SNTG1: variants seen among roughly 807,000 people sequenced by gnomAD.
SNTG1 encodes syntrophin gamma 1.
SNTG1 carries 39 observed loss-of-function variants against 74.7 expected under a neutral mutation model. The observed-to-expected ratio is 0.52, with a 90% CI of 0.40 to 0.68. The LOEUF (loss-of-function observed/expected upper bound fraction) is 0.68. Among genes scored for constraint, SNTG1 ranks in the 30% least tolerant of loss-of-function variants. SNTG1 has a pLI of 0.00. For synonymous variants in SNTG1, 254 were observed against 217.1 expected, an observed-to-expected ratio of 1.17 and a Z score of -1.49; for missense variants, 685 against 609.5, an observed-to-expected ratio of 1.12 and a Z score of -1.30.
At chr8:50,135,596 G>A (rs578165901) in intron 1 of SNTG1, among the ~76,000 whole-genome samples, 32 of 151,800 alleles carry the variant, frequency 2.1e-4, no homozygotes, top group African/African-American at 7.2e-4. Flanking sequence ...CCTTTACAAG[G>A]TCTTTCATGA....
chr8:50,169,178 C>T (rs1208494600), intron 1 of SNTG1, among the ~76,000 whole-genome samples: 1 of 152,054 alleles, frequency 6.6e-6, no homozygotes, highest in Non-Finnish European at 1.5e-5. Context: ...TTTCAATGAA[C>T]AATAATTTCA....
rs542776116 is a variant in SNTG1 at position 50,366,743 on chromosome 8, A to C, written c.-27-27469A>C. 2.5e-3 allele frequency among the ~76,000 whole-genome samples: 370 copies of C among 146,586 alleles called. 2 individuals carry two copies. The highest frequency in any genetic ancestry group is 8.7e-3 in the African/African-American group (354 of 40,568). On this transcript the variant is annotated intron_variant, in intron 2 of 18. Transcript: ENST00000642720. ...TATTTGCATATATATGTGAATACAT[A>C]TATTTTATATATAATATAGTATTAT...
At chr8:50,047,017 C>A (rs780879102) in intron 1 of SNTG1, among the ~76,000 whole-genome samples, 25 of 152,110 alleles carry the variant, frequency 1.6e-4, no homozygotes, top group Non-Finnish European at 3.7e-4. Flanking sequence ...AATTCTTACT[C>A]TCCTTTTCAT....
At chr8:49,937,511 T>G (rs945372199) in intron 1 of SNTG1, among the ~76,000 whole-genome samples, 3 of 152,236 alleles carry the variant, frequency 2.0e-5, no homozygotes, top group Non-Finnish European at 4.4e-5. Flanking sequence ...CAAGGTGAAC[T>G]AGAACATTTA....
At chr8:50,509,809 A>G (rs925521247) in intron 9 of SNTG1, among the ~76,000 whole-genome samples, 2 of 152,026 alleles carry the variant, frequency 1.3e-5, no homozygotes, top group African/African-American at 4.8e-5. Flanking sequence ...GCTTAAGGAG[A>G]TTTTGGGCTG....
At chr8:50,088,562 G>A (rs1225566375) in intron 1 of SNTG1, among the ~76,000 whole-genome samples, 5 of 134,276 alleles carry the variant, frequency 3.7e-5, no homozygotes, top group Admixed American at 2.4e-4. Flanking sequence ...CAAAGTCTCA[G>A]GATACAAAAT....
chr8:50,778,038 T>C (rs1192463743), intron 18 of SNTG1, among the ~76,000 whole-genome samples: 3 of 152,186 alleles, frequency 2.0e-5, no homozygotes, highest in Non-Finnish European at 4.4e-5. Context: ...GAACTCATCA[T>C]TTTTTATGGC....
chr8:50,438,481 A>C, intron 4 of SNTG1, 62 bp from the exon 5 acceptor site: 1 of 1,462,788 alleles, frequency 6.8e-7, no homozygotes, highest in Non-Finnish European at 9.5e-7. Flanking sequence ...AAAACAACAA[A>C]AAATGGTGTG....
intron 13 of SNTG1, among the ~76,000 whole-genome samples, chr8:50,594,209 G>A (rs969266983): frequency 2.0e-5 from 3 of 152,046 alleles, no homozygotes; most frequent in African/African-American, 7.2e-5. Flanking sequence ...AGACAACCAG[G>A]CCTACATCAC....
intron 8 of SNTG1, among the ~76,000 whole-genome samples, chr8:50,462,561 A>G (rs2093573322): frequency 6.6e-6 from 1 of 152,114 alleles, no homozygotes; most frequent in South Asian, 2.1e-4. Flanking sequence ...AGCATTTTGA[A>G]CTTCTTTCAA....
In SNTG1 at chr8:50,433,612, T is replaced by C. The variant is rs117290467; in HGVS notation, c.163-4931T>C. On this transcript the variant is annotated intron_variant, in intron 4 of 18. Transcript: ENST00000642720. ...GTCAAGTTAATTTCACTCTTTTACA[T>C]TTTGATTTTCTCATCTGTTAATTAG... Among the ~76,000 whole-genome samples, 1,342 of 152,220 alleles carry C rather than the reference T, an allele frequency of 8.8e-3. 12 individuals carry two copies. The highest frequency in any genetic ancestry group is 0.012 in the Non-Finnish European group (806 of 67,990).
chr8:50,519,255 C>A (rs1468579214), intron 9 of SNTG1, among the ~76,000 whole-genome samples: 1 of 152,102 alleles, frequency 6.6e-6, no homozygotes, highest in African/African-American at 2.4e-5. Flanking sequence ...AACTCAACAC[C>A]CTTTTATGCA....
At position 50,617,668 on chromosome 8, in the gene SNTG1, T is replaced by C. The variant is rs144660369; in HGVS notation, c.849+26751T>C. On this transcript the variant is annotated intron_variant, in intron 13 of 18. Transcript: ENST00000642720. ...CCCGAGTGAGCAATCCCTGTCCCTT[T>C]TAAGGGCTCACAACTCTAAGGGGTT... Among the ~76,000 whole-genome samples, 232 of 152,258 alleles carry C rather than the reference T, an allele frequency of 1.5e-3. 1 individual carries two copies. Among genetic ancestry groups the C allele is most frequent in the African/African-American group, 5.3e-3 (222 of 41,546 alleles).
rs867643403 is a variant in SNTG1 at position 50,138,637 on chromosome 8, T to C, written c.-102-33924T>C. On this transcript the variant is annotated intron_variant, in intron 1 of 18. Coordinates refer to ENST00000642720, the MANE Select transcript of SNTG1 (RefSeq NM_018967.5). ...TGAAACTCTGTCTCAACAATAATAATAATAATAATAATAATAATAATAATA... is the reference window on the plus strand; with the variant it reads ...TGAAACTCTGTCTCAACAATAATAACAATAATAATAATAATAATAATAATA... Among the ~76,000 whole-genome samples, 22 of 138,784 alleles carry C rather than the reference T, an allele frequency of 1.6e-4. 1 individual carries two copies. Among genetic ancestry groups the C allele is most frequent in the Non-Finnish European group, 2.5e-4 (16 of 64,552 alleles). 91.0% of individuals were successfully genotyped at this position (138,784 alleles called of 152,430 possible).
intron 1 of SNTG1, among the ~76,000 whole-genome samples, chr8:49,938,612 TTTC>T (rs1245724609): frequency 8.8e-4 from 47 of 53,258 alleles, no homozygotes; most frequent in African/African-American, 1.2e-3. Context: ...CTTTTCTTTC[TTTC>T]TTTCTTTCTT....
At chr8:50,509,324 C>A (rs1318653392) in intron 9 of SNTG1, among the ~76,000 whole-genome samples, 2 of 151,938 alleles carry the variant, frequency 1.3e-5, no homozygotes, top group East Asian at 3.9e-4. Flanking sequence ...GTTACTGTAG[C>A]CTTGTAGTTT....
chr8:50,198,124 C>T lies in SNTG1; in HGVS notation c.-28+25489C>T, dbSNP rs182747232. On this transcript the variant is annotated intron_variant, in intron 2 of 18. Coordinates refer to ENST00000642720, the MANE Select transcript of SNTG1 (RefSeq NM_018967.5). ...ATCAGATAGCAGCCTGTGCCCAGAG[C>T]GCAGGTGAAGTCTCCCATTTGCCGC... Among the ~76,000 whole-genome samples, 207 of 152,128 alleles carry T rather than the reference C, an allele frequency of 1.4e-3. 3 individuals are homozygous for T. The highest frequency in any genetic ancestry group is 8.9e-3 in the East Asian group (46 of 5,154).
chr8:49,978,793 A>T (rs943780170), intron 1 of SNTG1, among the ~76,000 whole-genome samples: 15 of 152,170 alleles, frequency 9.9e-5, no homozygotes, highest in Non-Finnish European at 1.6e-4. Context: ...CAGGTTCTAT[A>T]TTTCTGTTCA....
chr8:50,454,829 T>TAAAAAAAAAAAAAAAA (rs1158732952), intron 8 of SNTG1, among the ~76,000 whole-genome samples: 16 of 95,148 alleles, frequency 1.7e-4, no homozygotes, highest in African/African-American at 7.0e-4. Context: ...CAGACAGAGC[T>TAAAAAAAAAAAAAAAA]AAAAAAAAAA....
Sources: gnomAD v4.1 joint callset for allele counts (sites outside exome capture counted in the v4.1 genomes callset) on GRCh38, gnomAD v4.1.1 for gene constraint, MANE v1.5 for transcripts, NCBI Gene and HGNC (gene_info 2026-07-23, HGNC 2026-07-21) for gene names.